The following TENT5D variants were observed in gnomAD, a reference collection of about 807,000 sequenced individuals.
The protein encoded by TENT5D is terminal nucleotidyltransferase 5D.
For missense variants in TENT5D, 191 were observed against 287.0 expected (o/e 0.67, Z 2.42); for synonymous variants, 103 against 100.6 (o/e 1.02, Z -0.15).
At chrX:80,439,824 ATAAT>A (rs1466279801) in intron 2 of TENT5D, among the ~76,000 whole-genome samples, 19 of 67,543 alleles carry the variant, frequency 2.8e-4, no homozygotes, top group African/African-American at 5.8e-4. Context: ...AATTTTTATC[ATAAT>A]TAACGCTTTT....
intron 1 of TENT5D, among the ~76,000 whole-genome samples, chrX:80,433,320 T>A (rs752152275): frequency 4.2e-4 from 47 of 112,164 alleles, no homozygotes; most frequent in Admixed American, 2.2e-3. Flanking sequence ...AGTTTTCTTA[T>A]CTGTGCCTGC....
chrX:80,343,824 G>A (rs1370719654), intron 3 of TENT5D, among the ~76,000 whole-genome samples: 1 of 111,474 alleles, frequency 9.0e-6, no homozygotes, highest in African/African-American at 3.3e-5. Context: ...AGGTTCAGGG[G>A]TTACATGTGC....
At chrX:80,404,576 T>A (rs918873191) in intron 3 of TENT5D, among the ~76,000 whole-genome samples, 14 of 111,925 alleles carry the variant, frequency 1.3e-4, no homozygotes, top group Non-Finnish European at 2.3e-4. Flanking sequence ...GGCCCTTAAA[T>A]CTCATGCACT....
chrX:80,381,359 G>A (rs1269016407), intron 3 of TENT5D, among the ~76,000 whole-genome samples: 2 of 111,921 alleles, frequency 1.8e-5, no homozygotes, highest in Non-Finnish European at 3.8e-5. Flanking sequence ...CCTTTGTGGG[G>A]AACCTGACCT....
At chrX:80,369,347 A>G (rs911141682) in intron 3 of TENT5D, among the ~76,000 whole-genome samples, 1 of 112,158 alleles carries the variant, frequency 8.9e-6, no homozygotes, top group Non-Finnish European at 1.9e-5. Context: ...ATGTAAGGAG[A>G]ATCGTATTTA....
exon 3 of TENT5D, chrX:80,443,430 C>T (rs1192170559): frequency 4.1e-6 from 5 of 1,211,535 alleles, no homozygotes; most frequent in Non-Finnish European, 5.6e-6. Context: ...CCAAGTATGA[C>T]TACCTTATGA....
intron 3 of TENT5D, among the ~76,000 whole-genome samples, chrX:80,414,581 C>T (rs1158651370): frequency 1.8e-5 from 2 of 112,140 alleles, no homozygotes; most frequent in East Asian, 2.8e-4. Context: ...GTAAGACTTA[C>T]ATTGGTTCAG....
At chrX:80,352,720 CAA>C (rs1189877322) in intron 3 of TENT5D, among the ~76,000 whole-genome samples, 5 of 19,915 alleles carry the variant, frequency 2.5e-4, no homozygotes, top group African/African-American at 3.5e-4. Context: ...AGCAAACAAA[CAA>C]AAAAAAAAAA....
intron 3 of TENT5D, among the ~76,000 whole-genome samples, chrX:80,398,010 T>G (rs1931318101): frequency 1.8e-5 from 2 of 111,877 alleles, no homozygotes; most frequent in African/African-American, 6.5e-5. Context: ...TCATAATGGC[T>G]GTACTAGTTT....
chrX:80,391,757 A>G (rs1415650040), intron 3 of TENT5D, among the ~76,000 whole-genome samples: 1 of 112,844 alleles, frequency 8.9e-6, no homozygotes, highest in Non-Finnish European at 1.9e-5. Flanking sequence ...GAAGATGCGG[A>G]CTAAAAATAT....
intron 2 of TENT5D, 135 bp downstream of exon 2, chrX:80,438,867 ATT>A (rs1427794938): frequency 9.0e-6 from 1 of 111,002 alleles, no homozygotes; most frequent in Non-Finnish European, 1.9e-5. Context: ...GAACAATTAC[ATT>A]TTCTTTATTA....
At chrX:80,422,751 C>T (rs1212455107) in intron 1 of TENT5D, among the ~76,000 whole-genome samples, 1 of 111,472 alleles carries the variant, frequency 9.0e-6, no homozygotes, top group Non-Finnish European at 1.9e-5. Context: ...TACTTTTCTC[C>T]TTCCTCAGAT....
At chrX:80,371,071 A>G (rs951327850) in intron 3 of TENT5D, among the ~76,000 whole-genome samples, 1 of 112,203 alleles carries the variant, frequency 8.9e-6, no homozygotes, top group Non-Finnish European at 1.9e-5. Flanking sequence ...ACCATTCCCA[A>G]TGGAAGTGTA....
chrX:80,335,718 T>TTAA (rs1434048405), intron 2 of TENT5D: 1 of 111,449 alleles, frequency 9.0e-6, no homozygotes. Flanking sequence ...AGGAAAAAGG[T>TTAA]ATAGGGCTTT....
intron 3 of TENT5D, among the ~76,000 whole-genome samples, chrX:80,367,767 C>T (rs984734099): frequency 1.8e-5 from 2 of 111,643 alleles, no homozygotes; most frequent in African/African-American, 6.5e-5. Context: ...CATGTTCTCA[C>T]TCATTTGTGG....
chrX:80,402,663 GTATT>G (rs2147546418), intron 3 of TENT5D, among the ~76,000 whole-genome samples: 1 of 111,491 alleles, frequency 9.0e-6, no homozygotes, highest in South Asian at 3.7e-4. Flanking sequence ...CAGGAGCATG[GTATT>G]TAATTTTCAT....
chrX:80,432,018 C>A (rs1932099043), intron 1 of TENT5D, among the ~76,000 whole-genome samples: 1 of 109,884 alleles, frequency 9.1e-6, no homozygotes, highest in Non-Finnish European at 1.9e-5. Context: ...TCTTGGAATC[C>A]CCCATTTTAA....
chrX:80,336,825 TAGGATCAGTTTTTTAGTAAAATTAAA>T (rs1929860502), intron 2 of TENT5D, among the ~76,000 whole-genome samples: 1 of 112,208 alleles, frequency 8.9e-6, no homozygotes, highest in African/African-American at 3.2e-5. Context: ...GTCTTTAGGA[TAGGATCAGTTTTTTAGTAAAATTAAA>T]ATCTGAAGAT....
In TENT5D at chrX:80,408,867, G is replaced by A. The variant is rs1375839529; in HGVS notation, c.-141-29743G>A. Among the ~76,000 whole-genome samples the A allele has an allele frequency of 2.9e-4, 32 of 109,678 alleles. No homozygotes were observed. In the South Asian group the frequency reaches 7.9e-3, roughly 27 times the overall value. Reference sequence around the variant, plus strand: ...ATCCTCAATAAAATACTGGCAAACCGAATCCAGCAGCACATCAAAAAGCTT... The same window carrying A: ...ATCCTCAATAAAATACTGGCAAACCAAATCCAGCAGCACATCAAAAAGCTT... On this transcript the variant is annotated intron_variant, in intron 3 of 4. Transcript: ENST00000538312.
Sources: allele counts gnomAD v4.1 joint callset (sites outside exome capture counted in the v4.1 genomes callset), GRCh38; gene constraint gnomAD v4.1.1; transcripts MANE v1.5; gene names NCBI Gene and HGNC (gene_info 2026-07-23, HGNC 2026-07-21).